The following ADAMTS16 variants were observed in gnomAD, a reference collection of about 807,000 sequenced individuals.
ADAMTS16 encodes A disintegrin and metalloproteinase with thrombospondin motifs 16.
A neutral mutation model predicts 145.8 loss-of-function variants in ADAMTS16; 94 were observed. The ratio of observed to expected loss-of-function variants is 0.64; its 90% CI spans 0.55 to 0.77. The LOEUF (loss-of-function observed/expected upper bound fraction) is 0.77, where lower values mean the gene tolerates loss of function less well. Among genes scored for constraint, ADAMTS16 ranks in the 30% least tolerant of loss-of-function variants. ADAMTS16 has a pLI of 0.00. For missense variants in ADAMTS16, 1,585 were observed against 1,591.5 expected, an observed-to-expected ratio of 1.00 and a Z score of 0.07; for synonymous variants, 659 against 604.3, an observed-to-expected ratio of 1.09 and a Z score of -1.33.
At chr5:5,252,011 C>T (rs1002072768) in intron 17 of ADAMTS16, among the ~76,000 whole-genome samples, 8 of 152,240 alleles carry the variant, frequency 5.3e-5, no homozygotes, top group South Asian at 2.1e-4. Flanking sequence ...CCACCACGCC[C>T]GGCTACTTTT....
At position 5,301,599 on chromosome 5, in the gene ADAMTS16, G is replaced by A. The variant is rs944170586; in HGVS notation, c.2790-1669G>A. ...CTCGAGAACACTTCTCCCAGGTGCC[G>A]TGGCTGCTGCCAGAGGCACCTCCGG... On this transcript the variant is annotated intron_variant, in intron 18 of 22. Transcript: ENST00000274181. 2.6e-5 allele frequency among the ~76,000 whole-genome samples: 4 copies of A among 152,184 alleles called. No individual in the cohort carries two copies. The East Asian group carries it at 5.8e-4, about 22-fold the overall frequency.
chr5:5,163,223 T>C (rs556931715), intron 3 of ADAMTS16, among the ~76,000 whole-genome samples: 2 of 152,358 alleles, frequency 1.3e-5, no homozygotes, highest in South Asian at 2.1e-4. Context: ...TACACACTGC[T>C]ATACAGTGAT....
intron 18 of ADAMTS16, among the ~76,000 whole-genome samples, chr5:5,301,576 C>T (rs544731681): frequency 6.6e-6 from 1 of 152,336 alleles, no homozygotes; most frequent in South Asian, 2.1e-4. Context: ...ATGCCATTCT[C>T]GAGAACACTT....
intron 21 of ADAMTS16, among the ~76,000 whole-genome samples, chr5:5,312,116 A>C (rs966452287): frequency 6.6e-6 from 1 of 152,084 alleles, no homozygotes; most frequent in African/African-American, 2.4e-5. Flanking sequence ...TGAGCTCTGC[A>C]GGGACTGGGA....
intron 9 of ADAMTS16, among the ~76,000 whole-genome samples, chr5:5,208,552 A>T (rs1736190282): frequency 6.6e-6 from 1 of 152,224 alleles, no homozygotes; most frequent in Non-Finnish European, 1.5e-5. Flanking sequence ...GGTCATCAGA[A>T]ATCATCCTGA....
In ADAMTS16 at chr5:5,318,236, TC is replaced by T; in HGVS notation, c.3517del (p.Leu1173TrpfsTer95). 1 of 1,564,476 alleles carries T rather than the reference TC, an allele frequency of 6.4e-7. No homozygotes were observed. The highest frequency in any genetic ancestry group is 8.7e-7 in the Non-Finnish European group (1 of 1,150,134). On this transcript the variant is annotated frameshift_variant, in exon 22 of 23. Transcript: ENST00000274181. LOFTEE classifies it low-confidence loss of function (END_TRUNC). ...GCLLHQKPSA[S>X]LACNTHFCPI... ...CCTCCTGCACCAGAAGCCTTCGGCC[TC>T]CCTGGCCTGCAACACTCACTTCTGC...
Position 5,162,384 on chromosome 5 carries a change from G to A in ADAMTS16, c.501+15929G>A, listed in dbSNP as rs777679879. Among the ~76,000 whole-genome samples the A allele has an allele frequency of 2.0e-4, 30 of 152,132 alleles. 2 individuals are homozygous for A. Among genetic ancestry groups the A allele is most frequent in the Admixed American group, 1.7e-3 (26 of 15,276 alleles). On this transcript the variant is annotated intron_variant, in intron 3 of 22. Transcript: ENST00000274181. The stretch of plus-strand genomic sequence containing the variant: ...TGACATCTAACAAGGGTGAGAGCCC[G>A]GAAACCACAGCATGGCTATGGGATC...
intron 21 of ADAMTS16, among the ~76,000 whole-genome samples, chr5:5,309,827 C>CGTGT (rs35723690): frequency 0.24 from 34,775 of 146,726 alleles, 4,298 homozygotes; most frequent in Admixed American, 0.36. Flanking sequence ...GTCATGTCCT[C>CGTGT]GTGTGTGTGT....
chr5:5,206,166 G>C (rs56407319), intron 9 of ADAMTS16, among the ~76,000 whole-genome samples: 69,186 of 151,038 alleles, frequency 0.46, 16,714 homozygotes, highest in East Asian at 0.74. Context: ...GTGGCTCACG[G>C]CTGTAATCCC....
At chr5:5,170,658 G>A (rs888443246) in intron 3 of ADAMTS16, among the ~76,000 whole-genome samples, 3 of 151,974 alleles carry the variant, frequency 2.0e-5, no homozygotes, top group African/African-American at 4.8e-5. Flanking sequence ...GATTACAAGC[G>A]TGAGCCACCA....
At chr5:5,177,840 G>A (rs1424830468) in intron 3 of ADAMTS16, among the ~76,000 whole-genome samples, 1 of 152,122 alleles carries the variant, frequency 6.6e-6, no homozygotes, top group Non-Finnish European at 1.5e-5. Context: ...CTTCTTTACT[G>A]TGTTTATTGA....
intron 3 of ADAMTS16, among the ~76,000 whole-genome samples, chr5:5,147,390 T>C (rs1234070465): frequency 1.3e-5 from 2 of 152,174 alleles, no homozygotes; most frequent in African/African-American, 4.8e-5. Context: ...TCATTCCCTC[T>C]TTGAGGAGAG....
intron 3 of ADAMTS16, among the ~76,000 whole-genome samples, chr5:5,148,986 T>C (rs1734373200): frequency 6.6e-6 from 1 of 152,126 alleles, no homozygotes; most frequent in South Asian, 2.1e-4. Context: ...CCTGTCCTCA[T>C]AGTAAAGTTA....
At chr5:5,202,367 T>C (rs982281388) in intron 9 of ADAMTS16, among the ~76,000 whole-genome samples, 3 of 152,186 alleles carry the variant, frequency 2.0e-5, no homozygotes, top group African/African-American at 7.2e-5. Context: ...ATACACTTGA[T>C]CATTTTTTAA....
intron 18 of ADAMTS16, 44 bp downstream of exon 18, chr5:5,262,827 G>T (rs1276964282): frequency 6.2e-7 from 1 of 1,605,842 alleles, no homozygotes; most frequent in East Asian, 2.2e-5. Context: ...CCAGTTTGCA[G>T]ACGTGCTCAG....
chr5:5,271,217 A>T (rs543521652), intron 18 of ADAMTS16, among the ~76,000 whole-genome samples: 1 of 152,290 alleles, frequency 6.6e-6, no homozygotes, highest in African/African-American at 2.4e-5. Flanking sequence ...GGGATCCCCT[A>T]AGTCCTAAAT....
At chr5:5,253,474 A>C (rs533867663) in intron 17 of ADAMTS16, among the ~76,000 whole-genome samples, 13 of 152,290 alleles carry the variant, frequency 8.5e-5, no homozygotes, top group African/African-American at 2.6e-4. Flanking sequence ...AAGCAATCAG[A>C]TATGCGTTTG....
chr5:5,225,813 G>A (rs1366450404), intron 11 of ADAMTS16, among the ~76,000 whole-genome samples: 5 of 152,038 alleles, frequency 3.3e-5, no homozygotes, highest in Non-Finnish European at 7.4e-5. Flanking sequence ...TGGGGTGAGT[G>A]GAGAGATGAA....
chr5:5,306,562 A>C lies in ADAMTS16; in HGVS notation c.3245A>C (p.Tyr1082Ser). 1.2e-6 allele frequency: 2 copies of C among 1,614,238 alleles called. No homozygotes were observed. Among genetic ancestry groups the C allele is most frequent in the Non-Finnish European group, 1.7e-6 (2 of 1,180,050 alleles). Residue 1082 changes from tyrosine (Y) to serine (S), a missense_variant, in exon 21 of 23, where the codon TAT becomes TCT. Coordinates refer to ENST00000274181, the MANE Select transcript of ADAMTS16 (RefSeq NM_139056.4). Reference protein sequence around the residue: ...QKRFLKCAEKYVSGKYRELAS... With the variant: ...QKRFLKCAEKSVSGKYRELAS... Reference sequence around the variant, plus strand: ...AGATTCTTAAAATGTGCTGAAAAGTATGTTTCTGGAAAGTATCGAGAGCTG... The same window carrying C: ...AGATTCTTAAAATGTGCTGAAAAGTCTGTTTCTGGAAAGTATCGAGAGCTG...
Sources: gnomAD v4.1 joint callset for allele counts (sites outside exome capture counted in the v4.1 genomes callset) on GRCh38, gnomAD v4.1.1 for gene constraint, MANE v1.5 for transcripts, NCBI Gene and HGNC (gene_info 2026-07-23, HGNC 2026-07-21) for gene names.